ADGRB2: variants seen among roughly 807,000 people sequenced by gnomAD.
ADGRB2 encodes the protein brain-specific angiogenesis inhibitor 2.
Under a neutral mutation model 178.7 loss-of-function variants are expected in ADGRB2, and 47 were observed. The ratio of observed to expected loss-of-function variants is 0.26; its 90% CI spans 0.21 to 0.34. ADGRB2 has a LOEUF of 0.34. Among genes scored for constraint, ADGRB2 ranks in the 10% least tolerant of loss-of-function variants. The pLI, the probability that ADGRB2 is intolerant of heterozygous loss-of-function variation, is 1.00. For synonymous variants in ADGRB2, 870 were observed against 912.4 expected, an observed-to-expected ratio of 0.95 and a Z score of 0.84; for missense variants, 1,584 against 2,180.8, an observed-to-expected ratio of 0.73 and a Z score of 5.45.
chr1:31,759,236 A>C lies in ADGRB2; in HGVS notation c.-190-1725T>G. 1.3e-6 allele frequency: 1 copy of C among 768,960 alleles called. No individual in the cohort carries two copies. Among genetic ancestry groups the C allele is most frequent in the Non-Finnish European group, 2.4e-6 (1 of 410,016 alleles). 47.6% of individuals were successfully genotyped at this position (768,960 alleles called of 1,614,324 possible). A position where few individuals can be genotyped will look rare whatever the true frequency, so the allele number is the denominator to read the frequency against. ...ATTCATGCTGTCACACACACTCAGG[A>C]GTTAACACGCACACACAGGGGTGTA... On this transcript the variant is annotated intron_variant, in intron 1 of 32. Transcript: ENST00000373658. The surrounding 1 kb of genome is among the most constrained non-coding windows in gnomAD (Gnocchi z 4.3).
rs921022469 is a variant in ADGRB2, at chr1:31,761,197, G to A, written c.-191+2687C>T. On this transcript the variant is annotated intron_variant, in intron 1 of 32. Transcript: ENST00000373658. This position sits in a 1 kb window ranked among gnomAD's most constrained non-coding sequence, Gnocchi z 4.2. ...TGAGGAGGCTGCCACTCCCCGGTGG[G>A]ACCCAGGTCCGGCCACACTACCCAG... Among the ~76,000 whole-genome samples the A allele has an allele frequency of 2.6e-5, 4 of 152,178 alleles. No individual in the cohort carries two copies. Among genetic ancestry groups the A allele is most frequent in the African/African-American group, 9.7e-5 (4 of 41,446 alleles).
rs1355528599 is a variant in ADGRB2 at position 31,742,872 on chromosome 1, C to T, written c.1218G>A (p.Leu406=). Residue 406 remains leucine (L), a synonymous_variant, in exon 7 of 33, where the codon CTG becomes CTA. Transcript: ENST00000373658. Reference sequence around the variant, plus strand: ...CAGCCATACTGCAGAGCTTAGTCTGCAGCTCAGGACCCTCGCAGGCCTTGC... The same window carrying T: ...CAGCCATACTGCAGAGCTTAGTCTGTAGCTCAGGACCCTCGCAGGCCTTGC... ...HGGKACEGPE[L]QTKLCSMAAC... The T allele has an allele frequency of 2.6e-6, 4 of 1,527,990 alleles. No homozygotes were observed. Among genetic ancestry groups the T allele is most frequent in the Non-Finnish European group, 3.5e-6 (4 of 1,133,854 alleles). The allele number at this position is 1,527,990 out of a possible 1,614,324, so 94.7% of individuals were successfully genotyped here.
intron 4 of ADGRB2, among the ~76,000 whole-genome samples, chr1:31,745,574 A>G (rs1212511524): frequency 6.6e-6 from 1 of 152,100 alleles, no homozygotes. Flanking sequence ...CCTCTCCCAC[A>G]ATGGGGTGTC....
chr1:31,732,228 T>C (rs1569761550), intron 27 of ADGRB2, 74 bp from the exon 28 acceptor site: 140 of 1,590,252 alleles, frequency 8.8e-5, no homozygotes, highest in African/African-American at 2.7e-5. Context: ...GCTCAGGCCC[T>C]CCCCAGCCAG....
rs1363530758 is a variant in ADGRB2 at position 31,741,958 on chromosome 1, C to T, written c.1427G>A (p.Ser476Asn). The T allele has an allele frequency of 6.3e-7, 1 of 1,589,766 alleles. No homozygotes were observed. ...CCACGCATTCCATGGCCCCCACTTG[C>T]TATCAGTGGCTGTGGGAGAGGTGAG... The part of the protein sequence containing the change: ...CSNLECPATD[S>N]KWGPWNAWSL... Residue 476 changes from serine to asparagine, a missense_variant, in exon 9 of 33, where the codon AGC (serine) becomes AAC (asparagine). Transcript: ENST00000373658. The surrounding 1 kb of genome is among the most constrained non-coding windows in gnomAD (Gnocchi z 6.5).
Position 31,733,215 on chromosome 1 carries a change from C to T in ADGRB2, c.3453-72G>A, listed in dbSNP as rs1645388290. On this transcript the variant is annotated intron_variant, in intron 25 of 32. Coordinates refer to ENST00000373658, the MANE Select transcript of ADGRB2 (RefSeq NM_001364857.2). The surrounding 1 kb of genome is among the most constrained non-coding windows in gnomAD (Gnocchi z 4.3). ...AGGATGGCTTGAGCCTAGGCCTCCACTCAGCTGGAGCTCTTCAGCTGCCCA... is the reference window on the plus strand; with the variant it reads ...AGGATGGCTTGAGCCTAGGCCTCCATTCAGCTGGAGCTCTTCAGCTGCCCA... 1 of 1,494,898 alleles carries T rather than the reference C, an allele frequency of 6.7e-7. No individual in the cohort carries two copies. The highest frequency in any genetic ancestry group is 1.4e-5 in the African/African-American group (1 of 72,098). The allele number at this position is 1,494,898 out of a possible 1,614,324, so 92.6% of individuals were successfully genotyped here.
chr1:31,730,871 C>T lies in ADGRB2; in HGVS notation c.4309G>A (p.Glu1437Lys), dbSNP rs1307597697. Reference protein sequence around the residue: ...PPTPSARQVPEPGERSRTMPR... With the variant: ...PPTPSARQVPKPGERSRTMPR... The stretch of plus-strand genomic sequence containing the variant: ...ATGGTCCGGCTGCGCTCCCCTGGCT[C>T]GGGCACTTGGCGGGCGCTGGGTGTC... The change falls in exon 29 of 33, where the codon GAG becomes AAG. Residue 1437 changes from glutamate (E) to lysine (K), a missense_variant. Glu to Lys is a moderately conservative substitution (Grantham distance 56). Around this residue, in one of 3 missense-constraint regions of ADGRB2, gnomAD observed 865 missense variants for 1,192.8 expected, o/e 0.73. Coordinates refer to ENST00000373658, the MANE Select transcript of ADGRB2 (RefSeq NM_001364857.2). 13 of 1,561,124 alleles carry T rather than the reference C, an allele frequency of 8.3e-6. No individual in the cohort carries two copies. Among genetic ancestry groups the T allele is most frequent in the African/African-American group, 4.1e-5 (3 of 73,134 alleles).
chr1:31,748,965 C>A (rs1216911784), intron 4 of ADGRB2, among the ~76,000 whole-genome samples: 1 of 152,170 alleles, frequency 6.6e-6, no homozygotes, highest in Admixed American at 6.5e-5. Flanking sequence ...CAAACCCAGG[C>A]CTGCCTGACT....
intron 14 of ADGRB2, 116 bp from the exon 15 acceptor site, chr1:31,739,751 C>A (rs1645832243): frequency 1.5e-6 from 2 of 1,290,322 alleles, no homozygotes. Flanking sequence ...GATGTGGACA[C>A]CGAAGTTGGT....
At position 31,735,795 on chromosome 1, in the gene ADGRB2, T is replaced by C. The variant is rs756241195; in HGVS notation, c.3267+32A>G. On this transcript the variant is annotated intron_variant, in intron 23 of 32. Coordinates refer to ENST00000373658, the MANE Select transcript of ADGRB2 (RefSeq NM_001364857.2). This position sits in a 1 kb window ranked among gnomAD's most constrained non-coding sequence, Gnocchi z 6.0. Reference sequence around the variant, plus strand: ...GAAACAGGATGACCCTCTGGGGCCATGCCCCTTCCAAGATGCTGAACGGGC... The same window carrying C: ...GAAACAGGATGACCCTCTGGGGCCACGCCCCTTCCAAGATGCTGAACGGGC... 8 of 1,604,544 alleles carry C rather than the reference T, an allele frequency of 5.0e-6. No individual in the cohort carries two copies. The highest frequency in any genetic ancestry group is 5.1e-6 in the Non-Finnish European group (6 of 1,174,576).
chr1:31,731,851 A>G (rs565072645), intron 28 of ADGRB2, among the ~76,000 whole-genome samples: 1 of 152,304 alleles, frequency 6.6e-6, no homozygotes, highest in South Asian at 2.1e-4. Context: ...GAATTCATGC[A>G]TGCCCCTAAG....
At chr1:31,750,013 T>C (rs1021110526) in intron 4 of ADGRB2, among the ~76,000 whole-genome samples, 2 of 152,064 alleles carry the variant, frequency 1.3e-5, no homozygotes, top group Non-Finnish European at 2.9e-5. Flanking sequence ...GTAACCCCTT[T>C]TCATTATCCC....
In ADGRB2 at chr1:31,727,687, A is replaced by G; in HGVS notation, c.4573-82T>C. 4 of 1,369,974 alleles carry G rather than the reference A, an allele frequency of 2.9e-6. No individual in the cohort carries two copies. In the Admixed American group the frequency reaches 1.2e-4, roughly 42 times the overall value. The allele number at this position is 1,369,974 out of a possible 1,614,324, so 84.9% of individuals were successfully genotyped here. ...AGACGATCAAACTGAGGAGTCCCAG[A>G]GAGGGCTGGTAATGCCCAAAGTTAT... On this transcript the variant is annotated intron_variant, in intron 32 of 32. Transcript: ENST00000373658. This position sits in a 1 kb window ranked among gnomAD's most constrained non-coding sequence, Gnocchi z 4.4.
In ADGRB2 at chr1:31,756,003, T is replaced by G; in HGVS notation, c.834A>C (p.Arg278Ser). ...CCAGGCCCTGCTGAGACTCACCATA[T>G]CTCATCTCGGTTGTGAACAGATCAT... Reference protein sequence around the residue: ...SSNDLFTTEMRYGEEPEEEPK... With the variant: ...SSNDLFTTEMSYGEEPEEEPK... Residue 278 changes from arginine (R) to serine (S), a missense_variant, in exon 4 of 33, where the codon AGA (arginine) becomes AGC (serine). By Grantham distance (110) the Arg-to-Ser change is moderately radical (BLOSUM62 -1). Coordinates refer to ENST00000373658, the MANE Select transcript of ADGRB2 (RefSeq NM_001364857.2). The surrounding 1 kb of genome is among the most constrained non-coding windows in gnomAD (Gnocchi z 8.5). 1 of 1,605,134 alleles carries G rather than the reference T, an allele frequency of 6.2e-7. No homozygotes were observed. The highest frequency in any genetic ancestry group is 8.5e-7 in the Non-Finnish European group (1 of 1,173,346).
At chr1:31,760,328 G>A (rs890907754) in intron 1 of ADGRB2, among the ~76,000 whole-genome samples, 5 of 152,196 alleles carry the variant, frequency 3.3e-5, no homozygotes, top group Admixed American at 2.6e-4. Context: ...CTAGGGGGCT[G>A]GGGGCTGCCT....
In ADGRB2 at chr1:31,733,959, G is replaced by A. The variant is rs893801952; in HGVS notation, c.3453-816C>T. Among the ~76,000 whole-genome samples, 9 of 152,300 alleles carry A rather than the reference G, an allele frequency of 5.9e-5. No individual in the cohort carries two copies. Among genetic ancestry groups the A allele is most frequent in the African/African-American group, 1.4e-4 (6 of 41,560 alleles). ...TGCCACACTCAGCCCACTCTCCTTCGCAAACACCCCCAGTGGGAGAGTCAG... is the reference window on the plus strand; with the variant it reads ...TGCCACACTCAGCCCACTCTCCTTCACAAACACCCCCAGTGGGAGAGTCAG... On this transcript the variant is annotated intron_variant, in intron 25 of 32. Coordinates refer to ENST00000373658, the MANE Select transcript of ADGRB2 (RefSeq NM_001364857.2). This position sits in a 1 kb window ranked among gnomAD's most constrained non-coding sequence, Gnocchi z 4.3.
In ADGRB2 at chr1:31,739,396, G is replaced by A. The variant is rs1484161253; in HGVS notation, c.2407C>T (p.Leu803Phe). Reference protein sequence around the residue: ...PPGPGHSHQRLLPADPDESSY... With the variant: ...PPGPGHSHQRFLPADPDESSY... ...GACTCATCAGGGTCTGCTGGGAGGA[G>A]GCGCTGGTGGGAGTGGCCTGGGCCA... The change falls in exon 15 of 33, where the codon CTC (leucine) becomes TTC (phenylalanine). Residue 803 changes from leucine to phenylalanine, a missense_variant. Transcript: ENST00000373658. The A allele has an allele frequency of 6.5e-7, 1 of 1,547,648 alleles. No individual in the cohort carries two copies. The highest frequency in any genetic ancestry group is 1.2e-5 in the South Asian group (1 of 82,462).
At position 31,735,206 on chromosome 1, in the gene ADGRB2, G is replaced by A; in HGVS notation, c.3429C>T (p.Ser1143=). 6.9e-7 allele frequency: 1 copy of A among 1,442,004 alleles called. No homozygotes were observed. Among genetic ancestry groups the A allele is most frequent in the African/African-American group, 1.4e-5 (1 of 69,824 alleles). 89.3% of individuals were successfully genotyped at this position (1,442,004 alleles called of 1,614,324 possible). A position where few individuals can be genotyped will look rare whatever the true frequency, so the allele number is the denominator to read the frequency against. ...ACGAVPSPLL[S]SASARNAMAS... ...ACATGGCGTTCCTGGCCGAGGCTGA[G>A]CTGAGCAGGGGGCTGGGGACCGCTC... Residue 1143 remains serine (S), a synonymous_variant, in exon 25 of 33, where the codon AGC becomes AGT. Transcript: ENST00000373658. This position sits in a 1 kb window ranked among gnomAD's most constrained non-coding sequence, Gnocchi z 6.0.
rs1236730634 is a variant in ADGRB2 at position 31,755,406 on chromosome 1, G to T, written c.838+593C>A. Among the ~76,000 whole-genome samples the T allele has an allele frequency of 6.6e-6, 1 of 152,120 alleles. No homozygotes were observed. The highest frequency in any genetic ancestry group is 1.5e-5 in the Non-Finnish European group (1 of 68,018). ...CCTGAGGGGGAAGACGGGACACTGGGAGCTGAGCCAGCCCAGCCCTCCAAG... is the reference window on the plus strand; with the variant it reads ...CCTGAGGGGGAAGACGGGACACTGGTAGCTGAGCCAGCCCAGCCCTCCAAG... On this transcript the variant is annotated intron_variant, in intron 4 of 32. Transcript: ENST00000373658. The surrounding 1 kb of genome is among the most constrained non-coding windows in gnomAD (Gnocchi z 5.1).
Sources: gnomAD v4.1 joint callset for allele counts (sites outside exome capture counted in the v4.1 genomes callset) on GRCh38, gnomAD v4.1.1 for gene constraint, gnomAD v4.1.1 regional missense constraint, Gnocchi (gnomAD v3.1) non-coding constraint, MANE v1.5 for transcripts, NCBI Gene and HGNC (gene_info 2026-07-23, HGNC 2026-07-21) for gene names.